Variants in NAALADL2 observed in about 807,000 individuals in gnomAD.
NAALADL2 encodes N-acetylated alpha-linked acidic dipeptidase like 2.
In NAALADL2, 76 loss-of-function variants were observed where a neutral mutation model predicts 87.2. That is an observed-to-expected ratio of 0.87 (90% CI 0.72 to 1.05). NAALADL2 has a LOEUF of 1.05. Ranked by LOEUF, NAALADL2 falls within the 50% of genes least tolerant of loss-of-function variation. The pLI, the probability that NAALADL2 is intolerant of heterozygous loss-of-function variation, is 0.00. For synonymous variants in NAALADL2, 354 were observed against 331.0 expected, an observed-to-expected ratio of 1.07 and a Z score of -0.75; for missense variants, 1,089 against 945.8, an observed-to-expected ratio of 1.15 and a Z score of -1.99.
intron 3 of NAALADL2, among the ~76,000 whole-genome samples, chr3:174,778,641 G>A (rs192492012): frequency 2.8e-4 from 43 of 151,868 alleles, no homozygotes; most frequent in African/African-American, 8.9e-4. Flanking sequence ...CCCCCACCCT[G>A]CAACAGGACC....
intron 1 of NAALADL2, among the ~76,000 whole-genome samples, chr3:175,090,429 C>T (rs1361659471): frequency 6.6e-6 from 1 of 152,004 alleles, no homozygotes; most frequent in Non-Finnish European, 1.5e-5. Context: ...AACTAACCAT[C>T]CATTTAGGGT....
intron 2 of NAALADL2, among the ~76,000 whole-genome samples, chr3:174,579,357 C>T (rs1441188333): frequency 6.6e-6 from 1 of 151,976 alleles, no homozygotes; most frequent in African/African-American, 2.4e-5. Flanking sequence ...CATATTCATT[C>T]ACTGGAATAC....
At chr3:175,230,806 TG>T (rs1744839080) in intron 2 of NAALADL2, among the ~76,000 whole-genome samples, 1 of 152,090 alleles carries the variant, frequency 6.6e-6, no homozygotes, top group Admixed American at 6.6e-5. Context: ...GAAGTAGAAC[TG>T]TCATAAAAAG....
chr3:174,492,509 G>T (rs992979188), intron 1 of NAALADL2, among the ~76,000 whole-genome samples: 1 of 148,936 alleles, frequency 6.7e-6, no homozygotes, highest in African/African-American at 2.5e-5. Flanking sequence ...ATAAGATACT[G>T]CCATGAGGGA....
chr3:175,691,166 T>C (rs950316134), intron 11 of NAALADL2, among the ~76,000 whole-genome samples: 2 of 151,204 alleles, frequency 1.3e-5, no homozygotes, highest in Non-Finnish European at 3.0e-5. Context: ...AAAGTCTATA[T>C]AGAGACAGAA....
chr3:174,968,866 A>T (rs889997136), intron 1 of NAALADL2, among the ~76,000 whole-genome samples: 1 of 152,172 alleles, frequency 6.6e-6, no homozygotes, highest in African/African-American at 2.4e-5. Context: ...TTCTCAAAGA[A>T]AGAGACCTTT....
intron 1 of NAALADL2, among the ~76,000 whole-genome samples, chr3:174,893,536 CAAA>C (rs539975779): frequency 9.7e-4 from 148 of 152,092 alleles, no homozygotes; most frequent in African/African-American, 3.5e-3. Flanking sequence ...ATAGAAGAAA[CAAA>C]AAGTTAAAAA....
In NAALADL2 at chr3:175,354,621, G is replaced by T. The variant is rs144597070; in HGVS notation, c.1090+30296G>T. Among the ~76,000 whole-genome samples, 71 of 151,960 alleles carry T rather than the reference G, an allele frequency of 4.7e-4. No homozygotes were observed. In the East Asian group the frequency reaches 0.012, roughly 26 times the overall value. On this transcript the variant is annotated intron_variant, in intron 5 of 13. Transcript: ENST00000454872. The stretch of plus-strand genomic sequence containing the variant: ...TGATTTACCTTTTTTCATTAGATTT[G>T]AATTATTTAAACTTAACATATACTA...
intron 5 of NAALADL2, among the ~76,000 whole-genome samples, chr3:175,418,260 G>T (rs1354251533): frequency 6.6e-6 from 1 of 152,168 alleles, no homozygotes; most frequent in Non-Finnish European, 1.5e-5. Context: ...ATGGCCTCAA[G>T]GCAGGAGCAA....
intron 3 of NAALADL2, among the ~76,000 whole-genome samples, chr3:174,751,757 T>C (rs1269148231): frequency 6.6e-6 from 1 of 152,108 alleles, no homozygotes; most frequent in East Asian, 1.9e-4. Flanking sequence ...GCATATCTAA[T>C]AACTTTCATG....
intron 1 of NAALADL2, among the ~76,000 whole-genome samples, chr3:174,483,068 A>G (rs1165828150): frequency 1.3e-5 from 2 of 152,016 alleles, no homozygotes; most frequent in Non-Finnish European, 2.9e-5. Context: ...GTGTTTCTCC[A>G]ACCCCTCCTT....
chr3:175,765,608 A>G (rs575037193), intron 13 of NAALADL2, among the ~76,000 whole-genome samples: 7 of 152,250 alleles, frequency 4.6e-5, no homozygotes, highest in African/African-American at 1.7e-4. Flanking sequence ...GATTTTATAA[A>G]AATGTTTCTT....
At chr3:174,819,257 G>C (rs1356237476) in intron 3 of NAALADL2, among the ~76,000 whole-genome samples, 1 of 151,148 alleles carries the variant, frequency 6.6e-6, no homozygotes, top group African/African-American at 2.4e-5. Context: ...TAGACAGAGG[G>C]TTTCACCATG....
chr3:175,487,407 A>G (rs540183242), intron 9 of NAALADL2: 175 of 414,738 alleles, frequency 4.2e-4, no homozygotes, highest in Non-Finnish European at 7.4e-4. Context: ...CCTGAAACCT[A>G]AATGTGTATC....
intron 1 of NAALADL2, among the ~76,000 whole-genome samples, chr3:175,016,229 T>G (rs919864076): frequency 6.7e-6 from 1 of 148,440 alleles, no homozygotes; most frequent in Non-Finnish European, 1.5e-5. Flanking sequence ...CATATGTAAG[T>G]TTGATTTAGG....
chr3:175,786,820 G>GT (rs1752041797), intron 13 of NAALADL2, among the ~76,000 whole-genome samples: 1 of 152,132 alleles, frequency 6.6e-6, no homozygotes, highest in African/African-American at 2.4e-5. Flanking sequence ...TTTCTGTTCT[G>GT]TTTTTTCCCC....
chr3:175,106,105 A>G (rs955351393), intron 2 of NAALADL2, among the ~76,000 whole-genome samples: 3 of 152,076 alleles, frequency 2.0e-5, no homozygotes, highest in African/African-American at 7.2e-5. Context: ...GCATTCACAC[A>G]TGCACACAAA....
intron 2 of NAALADL2, among the ~76,000 whole-genome samples, chr3:174,692,967 T>C (rs1728719286): frequency 6.7e-6 from 1 of 149,918 alleles, no homozygotes; most frequent in African/African-American, 2.4e-5. Flanking sequence ...TTCTTGAGAT[T>C]CAACATACAG....
chr3:175,209,532 G>A (rs983596949), intron 2 of NAALADL2, among the ~76,000 whole-genome samples: 1 of 152,032 alleles, frequency 6.6e-6, no homozygotes, highest in Non-Finnish European at 1.5e-5. Flanking sequence ...CAGTGCTTTA[G>A]TTGAACTTCT....
Sources: gnomAD v4.1 joint callset for allele counts (sites outside exome capture counted in the v4.1 genomes callset) on GRCh38, gnomAD v4.1.1 for gene constraint, MANE v1.5 for transcripts, NCBI Gene and HGNC (gene_info 2026-07-23, HGNC 2026-07-21) for gene names.